The following SGMS2 variants were observed in gnomAD, a reference collection of about 807,000 sequenced individuals.
The protein encoded by SGMS2 is sphingomyelin synthase 2.
A neutral mutation model predicts 43.8 loss-of-function variants in SGMS2; 21 were observed. The observed-to-expected ratio is 0.48, with a 90% CI of 0.34 to 0.69. The LOEUF (loss-of-function observed/expected upper bound fraction) is 0.69, where lower values mean the gene tolerates loss of function less well. SGMS2 is among the 30% of genes least tolerant of loss of function. The pLI, the probability that SGMS2 is intolerant of heterozygous loss-of-function variation, is 0.01. For synonymous variants in SGMS2, 167 were observed against 160.6 expected, an observed-to-expected ratio of 1.04 and a Z score of -0.30; for missense variants, 384 against 443.2, an observed-to-expected ratio of 0.87 and a Z score of 1.20.
intron 3 of SGMS2, among the ~76,000 whole-genome samples, chr4:107,897,087 C>T (rs1730732606): frequency 6.6e-6 from 1 of 152,192 alleles, no homozygotes; most frequent in South Asian, 2.1e-4. Flanking sequence ...CTTTTCATTA[C>T]TTGATCAATT....
chr4:107,888,277 G>A (rs909009116), intron 2 of SGMS2, among the ~76,000 whole-genome samples: 6 of 152,014 alleles, frequency 3.9e-5, no homozygotes, highest in Admixed American at 2.6e-4. Context: ...GTAACTTAAT[G>A]TCACAAGTAC....
At chr4:107,906,539 A>C (rs781444354) in intron 5 of SGMS2, among the ~76,000 whole-genome samples, 18 of 152,202 alleles carry the variant, frequency 1.2e-4, no homozygotes, top group Non-Finnish European at 1.9e-4. Context: ...CAGTGATGTT[A>C]GCTATTATTT....
chr4:107,895,466 C>T lies in SGMS2; in HGVS notation c.-88C>T. On this transcript the variant is annotated 5_prime_UTR_variant, in exon 3 of 7. Transcript: ENST00000690982. ...GTCCATTGTAAGAGTCCATGTTGAT[C>T]TTGGAAATAGAAGGATTGAAAAAAG... The T allele has an allele frequency of 7.5e-7, 1 of 1,338,828 alleles. No individual in the cohort carries two copies. Among genetic ancestry groups the T allele is most frequent in the Admixed American group, 2.3e-5 (1 of 44,404 alleles). 82.9% of individuals were successfully genotyped at this position (1,338,828 alleles called of 1,614,324 possible).
At position 107,913,768 on chromosome 4, in the gene SGMS2, G is replaced by A. The variant is rs990272283; in HGVS notation, c.*3215G>A. The A allele has an allele frequency of 2.0e-5, 3 of 151,850 alleles. No homozygotes were observed. Among genetic ancestry groups the A allele is most frequent in the Admixed American group, 6.6e-5 (1 of 15,214 alleles). 9.4% of individuals were successfully genotyped at this position (151,850 alleles called of 1,614,324 possible). ...AATCATTAGTGTCTCCCTTTATAAC[G>A]ACCTATGTTTTGTTTACTTTGAAAC... is the stretch of plus-strand genomic sequence containing the variant. On this transcript the variant is annotated 3_prime_UTR_variant, in exon 7 of 7. Coordinates refer to ENST00000690982, the MANE Select transcript of SGMS2 (RefSeq NM_001375905.1).
At chr4:107,856,527 A>G in intron 1 of SGMS2, among the ~76,000 whole-genome samples, 1 of 152,188 alleles carries the variant, frequency 6.6e-6, no homozygotes, top group East Asian at 1.9e-4. Flanking sequence ...CACAGACTTG[A>G]GTTAGAGTGC....
At chr4:107,839,359 C>T (rs1278608588) in intron 1 of SGMS2, among the ~76,000 whole-genome samples, 1 of 151,810 alleles carries the variant, frequency 6.6e-6, no homozygotes, top group Non-Finnish European at 1.5e-5. Context: ...TATTTTGCTA[C>T]CAGGGCTGTG....
chr4:107,830,583 G>A (rs1025126711), intron 1 of SGMS2, among the ~76,000 whole-genome samples: 1 of 152,166 alleles, frequency 6.6e-6, no homozygotes, highest in African/African-American at 2.4e-5. Flanking sequence ...TGACTAGTGT[G>A]AGATGGTATC....
At position 107,913,155 on chromosome 4, in the gene SGMS2, G is replaced by A. The variant is rs1732231751; in HGVS notation, c.*2602G>A. 6.6e-6 allele frequency: 1 copy of A among 151,934 alleles called. No individual in the cohort carries two copies. Among genetic ancestry groups the A allele is most frequent in the Admixed American group, 6.6e-5 (1 of 15,234 alleles). The allele number at this position is 151,934 out of a possible 1,614,324, so 9.4% of individuals were successfully genotyped here. A position where few individuals can be genotyped will look rare whatever the true frequency, so the allele number is the denominator to read the frequency against. On this transcript the variant is annotated 3_prime_UTR_variant, in exon 7 of 7. Transcript: ENST00000690982. ...ATCTTATTATCTTTGTTTTTTTCAA[G>A]TCTATGCTCCTGTTTGAAGCTTTTC...
Position 107,861,510 on chromosome 4 carries a change from GT to G in SGMS2, c.-245+2960del, listed in dbSNP as rs143921600. 4.7e-3 allele frequency among the ~76,000 whole-genome samples: 713 copies of G among 152,286 alleles called. 4 individuals are homozygous for G. The highest frequency in any genetic ancestry group is 0.017 in the African/African-American group (686 of 41,542). On this transcript the variant is annotated intron_variant, in intron 2 of 6. Coordinates refer to ENST00000690982, the MANE Select transcript of SGMS2 (RefSeq NM_001375905.1). ...AGATGTGGTTAAGGACTTTGAAATA[GT>G]TTGGAGAGTGATTCAACCCCCTTAT...
chr4:107,849,037 T>G (rs1726989392), intron 1 of SGMS2, among the ~76,000 whole-genome samples: 1 of 152,160 alleles, frequency 6.6e-6, no homozygotes, highest in African/African-American at 2.4e-5. Context: ...TTTTTTTACA[T>G]ATGGAAGTCG....
chr4:107,826,449 C>A (rs1725594116), intron 1 of SGMS2, among the ~76,000 whole-genome samples: 1 of 152,168 alleles, frequency 6.6e-6, no homozygotes, highest in African/African-American at 2.4e-5. Context: ...GTCATGGGAA[C>A]TGCCATTTAC....
chr4:107,833,658 A>G (rs1002359068), intron 1 of SGMS2, among the ~76,000 whole-genome samples: 1 of 152,236 alleles, frequency 6.6e-6, no homozygotes. Flanking sequence ...AAAAAAATCC[A>G]AAAGACTTCT....
At chr4:107,891,270 G>A (rs1389998604) in intron 2 of SGMS2, among the ~76,000 whole-genome samples, 1 of 150,736 alleles carries the variant, frequency 6.6e-6, no homozygotes, top group Non-Finnish European at 1.5e-5. Context: ...CAAACCCAAT[G>A]GGAAAAAGAC....
intron 1 of SGMS2, among the ~76,000 whole-genome samples, chr4:107,855,482 T>C (rs1259224831): frequency 6.6e-6 from 1 of 152,218 alleles, no homozygotes; most frequent in Non-Finnish European, 1.5e-5. Flanking sequence ...TCCATACATT[T>C]GCACAGTTTC....
chr4:107,848,625 A>G (rs896581428), intron 1 of SGMS2, among the ~76,000 whole-genome samples: 4 of 152,092 alleles, frequency 2.6e-5, no homozygotes, highest in Non-Finnish European at 1.5e-5. Context: ...GTTGTAGCTC[A>G]TTGTTGTTTT....
chr4:107,910,528 G>A lies in SGMS2; in HGVS notation c.1073G>A (p.Gly358Asp), dbSNP rs868659246. 6.2e-7 allele frequency: 1 copy of A among 1,613,974 alleles called. No homozygotes were observed. Among genetic ancestry groups the A allele is most frequent in the Non-Finnish European group, 8.5e-7 (1 of 1,179,966 alleles). ...AAGTATTCACGGGTTCAGAAGATTGGTGAAGACAATGAGAAATCGACCTGA... is the reference window on the plus strand; with the variant it reads ...AAGTATTCACGGGTTCAGAAGATTGATGAAGACAATGAGAAATCGACCTGA... ...CKKYSRVQKI[G>D]EDNEKST Residue 358 changes from glycine (G) to aspartate (D), a missense_variant, in exon 7 of 7, where the codon GGT becomes GAT. Physicochemically the swap from Gly to Asp is moderately conservative, Grantham distance 94. Coordinates refer to ENST00000690982, the MANE Select transcript of SGMS2 (RefSeq NM_001375905.1).
chr4:107,887,796 A>G (rs1729875032), intron 2 of SGMS2, among the ~76,000 whole-genome samples: 1 of 152,218 alleles, frequency 6.6e-6, no homozygotes, highest in South Asian at 2.1e-4. Flanking sequence ...AATTTTCCAA[A>G]CAATAAGCCT....
intron 1 of SGMS2, among the ~76,000 whole-genome samples, chr4:107,851,692 A>G (rs1344427727): frequency 1.3e-5 from 2 of 152,158 alleles, no homozygotes; most frequent in Non-Finnish European, 2.9e-5. Context: ...TCTCTATAAT[A>G]ACCCCCTCCC....
chr4:107,856,738 T>C lies in SGMS2; in HGVS notation c.-326-1734T>C, dbSNP rs543265741. On this transcript the variant is annotated intron_variant, in intron 1 of 6. Transcript: ENST00000690982. Reference sequence around the variant, plus strand: ...TATCTGAAGTGTAAAACTAAACTGCTTGTCCCTTTTAATGGGGTCTAGTAA... The same window carrying C: ...TATCTGAAGTGTAAAACTAAACTGCCTGTCCCTTTTAATGGGGTCTAGTAA... Among the ~76,000 whole-genome samples, 3 of 152,202 alleles carry C rather than the reference T, an allele frequency of 2.0e-5. No homozygotes were observed. The South Asian group carries it at 6.2e-4, about 31-fold the overall frequency.
Sources: allele counts gnomAD v4.1 joint callset (sites outside exome capture counted in the v4.1 genomes callset), GRCh38; gene constraint gnomAD v4.1.1; transcripts MANE v1.5; gene names NCBI Gene and HGNC (gene_info 2026-07-23, HGNC 2026-07-21).